The following ADAM15 variants were observed in gnomAD, a reference collection of about 807,000 sequenced individuals.
ADAM15 encodes the protein disintegrin and metalloproteinase domain-containing protein 15.
Under a neutral mutation model 113.8 loss-of-function variants are expected in ADAM15, and 77 were observed. The observed-to-expected ratio is 0.68, with a 90% confidence interval of 0.56 to 0.82. The LOEUF (loss-of-function observed/expected upper bound fraction) is 0.82. Among genes scored for constraint, ADAM15 ranks in the 40% least tolerant of loss-of-function variants. ADAM15 has a pLI of 0.00. For missense variants in ADAM15, 963 were observed against 1,120.1 expected (o/e 0.86, Z 2.00); for synonymous variants, 388 against 454.1 (o/e 0.85, Z 1.85).
chr1:155,056,353 C>T lies in ADAM15; in HGVS notation c.915-33C>T. 1 of 1,613,128 alleles carries T rather than the reference C, an allele frequency of 6.2e-7. No individual in the cohort carries two copies. Among genetic ancestry groups the T allele is most frequent in the Non-Finnish European group, 8.5e-7 (1 of 1,179,172 alleles). ...CCTGAAGCTCTGACCACCGTGGCTT[C>T]TGGCCCTGAACTTTAGCCTCTCTGT... On this transcript the variant is annotated intron_variant, in intron 9 of 22. Transcript: ENST00000356955. The surrounding 1 kb of genome is among the most constrained non-coding windows in gnomAD (Gnocchi z 4.0).
Position 155,055,776 on chromosome 1 carries a change from C to T in ADAM15, c.613-14C>T. ...GCGGCAGGTTTGCCTGATAATTCTTCTTGTCCATAGTAGAGGCGGGATGTG... is the reference window on the plus strand; with the variant it reads ...GCGGCAGGTTTGCCTGATAATTCTTTTTGTCCATAGTAGAGGCGGGATGTG... On this transcript the variant is annotated splice_polypyrimidine_tract_variant and intron_variant, in intron 6 of 22. Coordinates refer to ENST00000356955, the MANE Select transcript of ADAM15 (RefSeq NM_207197.3). The T allele has an allele frequency of 5.6e-6, 9 of 1,614,184 alleles. No homozygotes were observed. The highest frequency in any genetic ancestry group is 7.6e-6 in the Non-Finnish European group (9 of 1,180,024).
chr1:155,052,931 A>G (rs535563524), intron 2 of ADAM15, among the ~76,000 whole-genome samples, 154 bp downstream of exon 2: 3 of 152,290 alleles, frequency 2.0e-5, no homozygotes, highest in African/African-American at 7.2e-5. Flanking sequence ...ACCACACCCC[A>G]GCACCTGGCT....
intron 19 of ADAM15, 61 bp from the exon 20 acceptor site, chr1:155,061,354 C>A: frequency 6.9e-7 from 1 of 1,459,310 alleles, no homozygotes; most frequent in Non-Finnish European, 9.5e-7. Context: ...CTTCCCTGCC[C>A]ACTCTGTCTC....
Position 155,058,266 on chromosome 1 carries a change from T to C in ADAM15, c.1742T>C (p.Leu581Pro). ...CACAGAGATGCCATTTGTGGGCAGC[T>C]CCAGTGCCAGACAGGTAGGACCCAG... is the stretch of plus-strand genomic sequence containing the variant. The part of the protein sequence containing the change: ...CTPRDAICGQ[L>P]QCQTGRTQPL... Residue 581 changes from leucine to proline, a missense_variant, in exon 15 of 23, where the codon CTC (leucine) becomes CCC (proline). By Grantham distance (98) the Leu-to-Pro change is moderately conservative. Transcript: ENST00000356955. This position sits in a 1 kb window ranked among gnomAD's most constrained non-coding sequence, Gnocchi z 4.3. The C allele has an allele frequency of 1.2e-6, 2 of 1,614,056 alleles. No individual in the cohort carries two copies. The highest frequency in any genetic ancestry group is 1.7e-6 in the Non-Finnish European group (2 of 1,180,018).
rs1275840700 is a variant in ADAM15 at position 155,057,067 on chromosome 1, C to A, written c.1114C>A (p.Pro372Thr). The A allele has an allele frequency of 6.3e-7, 1 of 1,582,608 alleles. No individual in the cohort carries two copies. The change falls in exon 11 of 23, where the codon CCA (proline) becomes ACA (threonine). Residue 372 changes from proline (P) to threonine (T), a missense_variant. Transcript: ENST00000356955. The surrounding 1 kb of genome is among the most constrained non-coding windows in gnomAD (Gnocchi z 5.0). ...TAGCTGCCCCTGTCCAGGTCCAGCC[C>A]CAGCCAAGACCTGCATCATGGAGGC... ...GNSCPCPGPA[P>T]AKTCIMEAST...
At position 155,058,079 on chromosome 1, in the gene ADAM15, A is replaced by G; in HGVS notation, c.1645A>G (p.Thr549Ala). 6.2e-7 allele frequency: 1 copy of G among 1,614,132 alleles called. No individual in the cohort carries two copies. The highest frequency in any genetic ancestry group is 8.5e-7 in the Non-Finnish European group (1 of 1,179,996). The change falls in exon 14 of 23, where the codon ACA becomes GCA. Residue 549 changes from threonine (T) to alanine (A), a missense_variant. Thr to Ala is a moderately conservative substitution (Grantham distance 58, BLOSUM62 0). Transcript: ENST00000356955. The surrounding 1 kb of genome is among the most constrained non-coding windows in gnomAD (Gnocchi z 4.3). Reference sequence around the variant, plus strand: ...GCCCGCTGCGCCACTTTGCCTCCAGACAGCTAATACTCGGGGAAATGCTTT... The same window carrying G: ...GCCCGCTGCGCCACTTTGCCTCCAGGCAGCTAATACTCGGGGAAATGCTTT... ...AQPAAPLCLQ[T>A]ANTRGNAFGS... is the part of the protein sequence containing the mutation.
At position 155,056,316 on chromosome 1, in the gene ADAM15, C is replaced by T. The variant is rs1027012512; in HGVS notation, c.914+67C>T. 6.2e-7 allele frequency: 1 copy of T among 1,611,150 alleles called. No homozygotes were observed. The highest frequency in any genetic ancestry group is 1.3e-5 in the African/African-American group (1 of 74,892). On this transcript the variant is annotated intron_variant, in intron 9 of 22. Coordinates refer to ENST00000356955, the MANE Select transcript of ADAM15 (RefSeq NM_207197.3). The surrounding 1 kb of genome is among the most constrained non-coding windows in gnomAD (Gnocchi z 4.0). ...GGCCAAATTCACACCCCTTCAGCACCCTACCTCAGCCCCTGAAGCTCTGAC... is the reference window on the plus strand; with the variant it reads ...GGCCAAATTCACACCCCTTCAGCACTCTACCTCAGCCCCTGAAGCTCTGAC...
chr1:155,062,315 C>T lies in ADAM15; in HGVS notation c.2495C>T (p.Ser832Leu). The T allele has an allele frequency of 6.6e-7, 1 of 1,518,412 alleles. No individual in the cohort carries two copies. Among genetic ancestry groups the T allele is most frequent in the Non-Finnish European group, 8.9e-7 (1 of 1,129,786 alleles). 94.1% of individuals were successfully genotyped at this position (1,518,412 alleles called of 1,614,324 possible). A position where few individuals can be genotyped will look rare whatever the true frequency, so the allele number is the denominator to read the frequency against. The change falls in exon 22 of 23, where the codon TCG becomes TTG. Residue 832 changes from serine (S) to leucine (L), a missense_variant. Transcript: ENST00000356955. The surrounding 1 kb of genome is among the most constrained non-coding windows in gnomAD (Gnocchi z 7.0). ...LPADPQGRCP[S>L]GDLPGPGAGI... ...GCCGACCCCCAGGGCCGGTGCCCAT[C>T]GGGTGACCTGCCCGGCCCAGGGGCT...
chr1:155,053,824 C>A, intron 3 of ADAM15, 86 bp from the exon 4 acceptor site: 1 of 1,503,266 alleles, frequency 6.7e-7, no homozygotes, highest in Non-Finnish European at 9.1e-7. Flanking sequence ...TGGTCCCCAG[C>A]CCCACAACCA....
In ADAM15 at chr1:155,061,985, G is replaced by T; in HGVS notation, c.2424+10G>T. ...GGTGAGAAGCCCGAAGGTAACGGTG[G>T]GGGGAGAGAAGGGCACGGCCTCTCC... On this transcript the variant is annotated intron_variant, in intron 21 of 22. Coordinates refer to ENST00000356955, the MANE Select transcript of ADAM15 (RefSeq NM_207197.3). 3.8e-6 allele frequency: 6 copies of T among 1,575,152 alleles called. No individual in the cohort carries two copies. Among genetic ancestry groups the T allele is most frequent in the Non-Finnish European group, 5.2e-6 (6 of 1,157,770 alleles).
Position 155,062,252 on chromosome 1 carries a change from G to C in ADAM15, c.2432G>C (p.Gly811Ala). 6.9e-7 allele frequency: 1 copy of C among 1,454,332 alleles called. No individual in the cohort carries two copies. Among genetic ancestry groups the C allele is most frequent in the Non-Finnish European group, 9.1e-7 (1 of 1,101,280 alleles). The allele number at this position is 1,454,332 out of a possible 1,614,324, so 90.1% of individuals were successfully genotyped here. The change falls in exon 22 of 23, where the codon GGG becomes GCG. Residue 811 changes from glycine to alanine, a missense_variant. Gly to Ala is a moderately conservative substitution (Grantham distance 60). Coordinates refer to ENST00000356955, the MANE Select transcript of ADAM15 (RefSeq NM_207197.3). The surrounding 1 kb of genome is among the most constrained non-coding windows in gnomAD (Gnocchi z 7.0). ...DPVVRSPKSQ[G>A]PAKPPPPRKP... is the part of the protein sequence containing the mutation. ...CTGCCTTCTCTCCCTCAGTCTCAGG[G>C]GCCAGCCAAGCCCCCACCCCCAAGG...
intron 18 of ADAM15, among the ~76,000 whole-genome samples, 171 bp downstream of exon 18, chr1:155,060,514 T>C (rs1662425031): frequency 6.6e-6 from 1 of 152,160 alleles, no homozygotes; most frequent in Non-Finnish European, 1.5e-5. Context: ...CACAGCTTTT[T>C]ACCTCACAGC....
In ADAM15 at chr1:155,059,193, T is replaced by G. The variant is rs573818448; in HGVS notation, c.1995+406T>G. Among the ~76,000 whole-genome samples, 301 of 152,236 alleles carry G rather than the reference T, an allele frequency of 2.0e-3. 1 individual carries two copies. The highest frequency in any genetic ancestry group is 0.014 in the South Asian group (67 of 4,824). On this transcript the variant is annotated intron_variant, in intron 16 of 22. Transcript: ENST00000356955. ...AACATTACTCATGTCTCAGCCTCCC[T>G]ACTCGCTGGGATTACAGTCACCCGC... is the stretch of plus-strand genomic sequence containing the variant.
Position 155,054,159 on chromosome 1 carries a change from T to C in ADAM15, c.352T>C (p.Cys118Arg), listed in dbSNP as rs757498401. The change falls in exon 5 of 23, where the codon TGC becomes CGC. Residue 118 changes from cysteine (C) to arginine (R), a missense_variant. Coordinates refer to ENST00000356955, the MANE Select transcript of ADAM15 (RefSeq NM_207197.3). ...VSEGHTLENC[C>R]YQGRVRGYAG... ...TGTTCCCATGCTGCAGGAGAACTGC[T>C]GCTACCAGGGAAGAGTGCGGGGATA... 1 of 1,613,906 alleles carries C rather than the reference T, an allele frequency of 6.2e-7. No individual in the cohort carries two copies. Among genetic ancestry groups the C allele is most frequent in the African/African-American group, 1.3e-5 (1 of 74,904 alleles).
rs555291735 is a variant in ADAM15 at position 155,060,341 on chromosome 1, C to A, written c.2205C>A (p.Tyr735Ter). ...AGCTCAAGGGACCCACCTGCCAGTA[C>A]AGGTATGAGCATCACCTCCCTGCTA... Reference protein sequence around the residue: ...LCQLKGPTCQYRAAQSGPSER... With the variant: ...LCQLKGPTCQ Residue 735 changes from tyrosine (Y) to a stop codon, truncating the protein, a stop_gained and splice_region_variant, in exon 18 of 23, where the codon TAC becomes TAA. Transcript: ENST00000356955. LOFTEE classifies it high-confidence loss of function. 1 of 1,613,732 alleles carries A rather than the reference C, an allele frequency of 6.2e-7. No homozygotes were observed. The highest frequency in any genetic ancestry group is 1.1e-5 in the South Asian group (1 of 91,080).
chr1:155,055,624 T>A (rs922902052), intron 6 of ADAM15, 166 bp from the exon 7 acceptor site: 152 of 686,608 alleles, frequency 2.2e-4, no homozygotes, highest in Non-Finnish European at 3.7e-4. Flanking sequence ...CTGGTCCTCC[T>A]TGGCAAGTTC....
chr1:155,060,685 C>G, intron 18 of ADAM15, 78 bp from the exon 19 acceptor site: 1 of 1,486,328 alleles, frequency 6.7e-7, no homozygotes, highest in South Asian at 1.1e-5. Context: ...AAGGGTTAAC[C>G]CCACTCAGGG....
rs1661828900 is a variant in ADAM15, at chr1:155,056,854, G to A, written c.1000-99G>A. 8 of 1,476,816 alleles carry A rather than the reference G, an allele frequency of 5.4e-6. No individual in the cohort carries two copies. Among genetic ancestry groups the A allele is most frequent in the Non-Finnish European group, 7.2e-6 (8 of 1,103,498 alleles). 91.5% of individuals were successfully genotyped at this position (1,476,816 alleles called of 1,614,324 possible). ...GAAGCAGTGCCTGCTGAGTGCCCAC[G>A]AGGTCAGACGTGGAGGGAACAGGAG... On this transcript the variant is annotated intron_variant, in intron 10 of 22. Coordinates refer to ENST00000356955, the MANE Select transcript of ADAM15 (RefSeq NM_207197.3). The surrounding 1 kb of genome is among the most constrained non-coding windows in gnomAD (Gnocchi z 4.0).
chr1:155,059,749 C>T (rs555716129), intron 16 of ADAM15, among the ~76,000 whole-genome samples, 153 bp from the exon 17 acceptor site: 2 of 152,360 alleles, frequency 1.3e-5, no homozygotes, highest in Middle Eastern at 6.8e-3. Flanking sequence ...ATCTAATTTG[C>T]TCTGGTATGG....
Sources: gnomAD v4.1 joint callset for allele counts (sites outside exome capture counted in the v4.1 genomes callset) on GRCh38, gnomAD v4.1.1 for gene constraint, Gnocchi (gnomAD v3.1) non-coding constraint, MANE v1.5 for transcripts, NCBI Gene and HGNC (gene_info 2026-07-23, HGNC 2026-07-21) for gene names.